Variants in PPP1R13L observed in about 807,000 individuals in gnomAD.
PPP1R13L encodes the protein relA-associated inhibitor.
A neutral mutation model predicts 80.9 loss-of-function variants in PPP1R13L; 50 were observed. The observed-to-expected ratio is 0.62, with a 90% confidence interval of 0.49 to 0.78. The LOEUF (loss-of-function observed/expected upper bound fraction) is 0.78, where lower values mean the gene tolerates loss of function less well. Ranked by LOEUF, PPP1R13L falls within the 30% of genes least tolerant of loss-of-function variation. The pLI is 0.00. For missense variants in PPP1R13L, 1,200 were observed against 1,205.9 expected (o/e 1.00, Z 0.07); for synonymous variants, 602 against 534.3 (o/e 1.13, Z -1.75).
At chr19:45,382,802 A>AACAGGGGCCACGTGGGGT in intron 11 of PPP1R13L, 76 bp from the exon 12 acceptor site, 2 of 1,426,604 alleles carry the variant, frequency 1.4e-6, no homozygotes, top group African/African-American at 2.8e-5. Context: ...GGGGTCCAGG[A>AACAGGGGCCACGTGGGGT]CAGACCCTGG....
chr19:45,398,348 TG>T lies in PPP1R13L; in HGVS notation c.-21-10del, dbSNP rs779060358. 11 of 1,611,988 alleles carry T rather than the reference TG, an allele frequency of 6.8e-6. No homozygotes were observed. Among genetic ancestry groups the T allele is most frequent in the African/African-American group, 1.3e-5 (1 of 74,846 alleles). ...CCGGCCGGAGCGGGCGCCTGCATGG[TG>T]GGGAGGGAGGGAGCTGGCTAAGACC... is the stretch of plus-strand genomic sequence containing the variant. On this transcript the variant is annotated splice_polypyrimidine_tract_variant and intron_variant, in intron 1 of 12. Coordinates refer to ENST00000360957, the MANE Select transcript of PPP1R13L (RefSeq NM_006663.4).
At chr19:45,394,403 C>G (rs561718869) in intron 7 of PPP1R13L, among the ~76,000 whole-genome samples, 4 of 151,914 alleles carry the variant, frequency 2.6e-5, no homozygotes, top group Admixed American at 2.6e-4. Context: ...ATTAGCCCAC[C>G]AAACTGCTAG....
chr19:45,385,658 C>T lies in PPP1R13L; in HGVS notation c.2152G>A (p.Ala718Thr), dbSNP rs888335796. ...TCGCTGAGCGTGGTGGCGAAGATTGCAGCGCCGTGCTGCACCAGCGCCATG... is the reference window on the plus strand; with the variant it reads ...TCGCTGAGCGTGGTGGCGAAGATTGTAGCGCCGTGCTGCACCAGCGCCATG... ...ICMALVQHGA[A>T]IFATTLSDGA... The change falls in exon 11 of 13, where the codon GCA becomes ACA. Residue 718 changes from alanine to threonine, a missense_variant. Ala to Thr is a moderately conservative substitution (Grantham distance 58, BLOSUM62 0). Coordinates refer to ENST00000360957, the MANE Select transcript of PPP1R13L (RefSeq NM_006663.4). The T allele has an allele frequency of 6.2e-7, 1 of 1,613,120 alleles. No individual in the cohort carries two copies. Among genetic ancestry groups the T allele is most frequent in the Non-Finnish European group, 8.5e-7 (1 of 1,179,888 alleles).
rs113333778 is a variant in PPP1R13L, at chr19:45,397,642, G to C, written c.198+363C>G. On this transcript the variant is annotated intron_variant, in intron 3 of 12. Coordinates refer to ENST00000360957, the MANE Select transcript of PPP1R13L (RefSeq NM_006663.4). ...CTGGCTAACTTTTGTATTTTTAGTA[G>C]AGACAGGGTTTCACCATGTTAGCCA... 1.6e-3 allele frequency among the ~76,000 whole-genome samples: 241 copies of C among 151,714 alleles called. 1 individual carries two copies. Among genetic ancestry groups the C allele is most frequent in the African/African-American group, 5.6e-3 (232 of 41,380 alleles).
At chr19:45,389,301 G>T (rs949767623) in intron 8 of PPP1R13L, among the ~76,000 whole-genome samples, 1 of 152,088 alleles carries the variant, frequency 6.6e-6, no homozygotes, top group African/African-American at 2.4e-5. Context: ...GGCATTTTGG[G>T]GGGGTCCACC....
chr19:45,404,222 T>C (rs1029533446), intron 1 of PPP1R13L, among the ~76,000 whole-genome samples: 1 of 152,118 alleles, frequency 6.6e-6, no homozygotes, highest in Admixed American at 6.5e-5. Context: ...CAGAATCCAA[T>C]AGCCGCTTTC....
At chr19:45,402,688 T>A (rs1272236208) in intron 1 of PPP1R13L, among the ~76,000 whole-genome samples, 1 of 152,170 alleles carries the variant, frequency 6.6e-6, no homozygotes. Context: ...GCCCCTGACC[T>A]CTGCCTCCGA....
chr19:45,396,969 CG>C lies in PPP1R13L; in HGVS notation c.287del (p.Pro96ArgfsTer128). 1 of 1,398,682 alleles carries C rather than the reference CG, an allele frequency of 7.1e-7. No individual in the cohort carries two copies. The allele number at this position is 1,398,682 out of a possible 1,614,324, so 86.6% of individuals were successfully genotyped here. ...RKAATDGADT[P>X]FGRSESAPTL... ...TTGGGGCACTCTCTGATCGTCCGAACGGGGTGTCTGCGCCGTCGGTGGCCGC... is the reference window on the plus strand; with the variant it reads ...TTGGGGCACTCTCTGATCGTCCGAACGGGTGTCTGCGCCGTCGGTGGCCGC... On this transcript the variant is annotated frameshift_variant, in exon 4 of 13. Transcript: ENST00000360957. LOFTEE classifies it high-confidence loss of function. This position sits in a 1 kb window ranked among gnomAD's most constrained non-coding sequence, Gnocchi z 5.3.
intron 12 of PPP1R13L, among the ~76,000 whole-genome samples, chr19:45,381,827 C>A (rs1416455821): frequency 6.6e-6 from 1 of 151,702 alleles, no homozygotes. Context: ...GTCATCCCAG[C>A]TACTCTGGAG....
chr19:45,399,057 T>C (rs1042080846), intron 1 of PPP1R13L, among the ~76,000 whole-genome samples: 6 of 151,606 alleles, frequency 4.0e-5, no homozygotes, highest in Non-Finnish European at 8.8e-5. Context: ...CAGTCTCCTG[T>C]CTCAGCCTCC....
intron 12 of PPP1R13L, 85 bp downstream of exon 12, chr19:45,382,442 T>C (rs1200856982): frequency 6.7e-7 from 1 of 1,481,874 alleles, no homozygotes; most frequent in Admixed American, 1.8e-5. Context: ...TTTGTTCCTG[T>C]TGCCTCTTCT....
At chr19:45,380,701 C>T (rs1456183403) in intron 12 of PPP1R13L, among the ~76,000 whole-genome samples, 1 of 151,960 alleles carries the variant, frequency 6.6e-6, no homozygotes, top group Non-Finnish European at 1.5e-5. Flanking sequence ...TGCCCGTAAT[C>T]CCAGCTACTT....
chr19:45,385,713 G>A lies in PPP1R13L; in HGVS notation c.2097C>T (p.Cys699=). The change falls in exon 11 of 13, where the codon TGC becomes TGT. Residue 699 remains cysteine (C), a synonymous_variant. Transcript: ENST00000360957. Reference sequence around the variant, plus strand: ...TGACTGTGTCGTTGCACGACGCCGCGCAGTGCAAGGGTGTCCTAGGCGTGG... The same window carrying A: ...TGACTGTGTCGTTGCACGACGCCGCACAGTGCAAGGGTGTCCTAGGCGTGG... ...PDSHGWTPLH[C]AASCNDTVIC... is the part of the protein sequence containing the mutation. 1 of 1,611,542 alleles carries A rather than the reference G, an allele frequency of 6.2e-7. No homozygotes were observed. Among genetic ancestry groups the A allele is most frequent in the Non-Finnish European group, 8.5e-7 (1 of 1,178,992 alleles).
intron 1 of PPP1R13L, among the ~76,000 whole-genome samples, 162 bp downstream of exon 1, chr19:45,404,837 C>T (rs1973299692): frequency 6.6e-6 from 1 of 152,210 alleles, no homozygotes; most frequent in Non-Finnish European, 1.5e-5. Flanking sequence ...CTTTCCTTCC[C>T]TCCAGTAAAA....
chr19:45,402,576 C>CG, intron 1 of PPP1R13L, among the ~76,000 whole-genome samples: 1 of 150,324 alleles, frequency 6.7e-6, no homozygotes, highest in Non-Finnish European at 1.5e-5. Flanking sequence ...GCAGCGGGCC[C>CG]GGGCAGGTGC....
Position 45,397,061 on chromosome 19 carries a change from G to A in PPP1R13L, c.199-3C>T. 1 of 1,308,596 alleles carries A rather than the reference G, an allele frequency of 7.6e-7. No homozygotes were observed. The highest frequency in any genetic ancestry group is 9.7e-7 in the Non-Finnish European group (1 of 1,029,318). 81.1% of individuals were successfully genotyped at this position (1,308,596 alleles called of 1,614,324 possible). The stretch of plus-strand genomic sequence containing the variant: ...GAGCTGGAGCTGTACCGGGGCGGCT[G>A]TGGGGAGGCCAGGGCATTGAGGGAT... On this transcript the variant is annotated splice_region_variant and splice_polypyrimidine_tract_variant and intron_variant, in intron 3 of 12. Transcript: ENST00000360957.
upstream of PPP1R13L, chr19:45,406,350 A>C: frequency 9.0e-6 from 11 of 1,224,712 alleles, no homozygotes; most frequent in South Asian, 2.0e-5. This position sits in a 1 kb window ranked among gnomAD's most constrained non-coding sequence, Gnocchi z 4.2. Flanking sequence ...GCTTAGGAAG[A>C]GCAGTGTGGC....
At chr19:45,401,717 C>T (rs2123402705) in intron 1 of PPP1R13L, among the ~76,000 whole-genome samples, 1 of 152,228 alleles carries the variant, frequency 6.6e-6, no homozygotes, top group Admixed American at 6.5e-5. Context: ...CCACATTCTA[C>T]CTAACCCAGG....
intron 12 of PPP1R13L, among the ~76,000 whole-genome samples, chr19:45,381,680 C>G (rs1972764737): frequency 6.6e-6 from 1 of 151,416 alleles, no homozygotes; most frequent in African/African-American, 2.4e-5. Context: ...CCTGTAATCC[C>G]AGGACTTTGG....
Sources: allele counts gnomAD v4.1 joint callset (sites outside exome capture counted in the v4.1 genomes callset), GRCh38; gene constraint gnomAD v4.1.1; non-coding constraint Gnocchi (gnomAD v3.1); transcripts MANE v1.5; gene names NCBI Gene and HGNC (gene_info 2026-07-23, HGNC 2026-07-21).